PLEKHO2: variants seen among roughly 807,000 people sequenced by gnomAD.
PLEKHO2 encodes pleckstrin homology domain containing O2.
A neutral mutation model predicts 32.7 loss-of-function variants in PLEKHO2; 20 were observed. The ratio of observed to expected loss-of-function variants is 0.61; its 90% CI spans 0.43 to 0.89. The LOEUF is 0.89. PLEKHO2 is among the 40% of genes least tolerant of loss of function. The pLI is 0.00. For missense variants in PLEKHO2, 568 were observed against 621.2 expected (o/e 0.91, Z 0.91); for synonymous variants, 247 against 246.3 (o/e 1.00, Z -0.03).
At position 64,864,909 on chromosome 15, in the gene PLEKHO2, C is replaced by T; in HGVS notation, c.494C>T (p.Ala165Val). ...CATCCCCCCCACCAGGTGGCCAGTG[C>T]AGCTTCTGACGGTCTTCTGCGCCTG... The part of the protein sequence containing the change: ...TRVHLKEVAS[A>V]ASDGLLRLDL... The change falls in exon 6 of 6, where the codon GCA (alanine) becomes GTA (valine). Residue 165 changes from alanine to valine, a missense_variant. By Grantham distance (64) the Ala-to-Val change is moderately conservative. Coordinates refer to ENST00000323544, the MANE Select transcript of PLEKHO2 (RefSeq NM_025201.5). The T allele has an allele frequency of 6.2e-7, 1 of 1,603,652 alleles. No homozygotes were observed. The highest frequency in any genetic ancestry group is 8.5e-7 in the Non-Finnish European group (1 of 1,173,734).
intron 5 of PLEKHO2, 58 bp downstream of exon 5, chr15:64,861,633 C>T: frequency 7.1e-7 from 1 of 1,407,322 alleles, no homozygotes; most frequent in Non-Finnish European, 9.6e-7. Context: ...CTCAGCTCCT[C>T]TGGGCGGCAG....
At chr15:64,860,021 G>A (rs780245980) in intron 4 of PLEKHO2, 23 bp downstream of exon 4, 2 of 1,591,708 alleles carry the variant, frequency 1.3e-6, no homozygotes, top group South Asian at 2.2e-5. Flanking sequence ...CTGTGGACAT[G>A]GACAGCTCTG....
intron 1 of PLEKHO2, among the ~76,000 whole-genome samples, chr15:64,842,754 C>T (rs1468053515): frequency 6.6e-6 from 1 of 152,198 alleles, no homozygotes; most frequent in Non-Finnish European, 1.5e-5. Context: ...CTGGAGCCTC[C>T]TTCTAACCAC....
chr15:64,846,761 C>T (rs1430403006), intron 1 of PLEKHO2, among the ~76,000 whole-genome samples: 1 of 152,198 alleles, frequency 6.6e-6, no homozygotes, highest in East Asian at 1.9e-4. Context: ...AGGGCTTGTC[C>T]TGACTTGGGA....
chr15:64,842,783 G>A (rs1350456257), intron 1 of PLEKHO2, among the ~76,000 whole-genome samples: 2 of 152,166 alleles, frequency 1.3e-5, no homozygotes, highest in Non-Finnish European at 2.9e-5. Context: ...CTCTTGGCCT[G>A]GGATTGGGTC....
Position 64,865,544 on chromosome 15 carries a change from C to T in PLEKHO2, c.1129C>T (p.Pro377Ser), listed in dbSNP as rs535807857. ...KDATTSTALP[P>S]WDLPPQFHPR... The stretch of plus-strand genomic sequence containing the variant: ...TGCAACAACATCCACAGCACTGCCC[C>T]CCTGGGACCTGCCACCTCAGTTCCA... Residue 377 changes from proline to serine, a missense_variant, in exon 6 of 6, where the codon CCC becomes TCC. Pro to Ser is a moderately conservative substitution (Grantham distance 74). Transcript: ENST00000323544. 113 of 1,614,174 alleles carry T rather than the reference C, an allele frequency of 7.0e-5. 2 individuals are homozygous for T. In the South Asian group the frequency reaches 1.2e-3, roughly 17 times the overall value.
chr15:64,862,908 C>G (rs1286687015), intron 5 of PLEKHO2, among the ~76,000 whole-genome samples: 1 of 151,302 alleles, frequency 6.6e-6, no homozygotes, highest in African/African-American at 2.4e-5. Flanking sequence ...GTTATATCTC[C>G]TAATGCTATC....
At chr15:64,846,581 G>A (rs1358689720) in intron 1 of PLEKHO2, among the ~76,000 whole-genome samples, 4 of 152,184 alleles carry the variant, frequency 2.6e-5, no homozygotes, top group African/African-American at 7.2e-5. Context: ...AAAGTGCTGG[G>A]ATTACAGGCA....
intron 1 of PLEKHO2, among the ~76,000 whole-genome samples, chr15:64,842,495 C>G (rs1010533307): frequency 1.4e-4 from 19 of 133,762 alleles, no homozygotes; most frequent in Non-Finnish European, 2.8e-4. Context: ...GATCCTGACT[C>G]TGTGTGTGTG....
At chr15:64,851,343 G>T (rs2084567126) in intron 2 of PLEKHO2, among the ~76,000 whole-genome samples, 1 of 152,156 alleles carries the variant, frequency 6.6e-6, no homozygotes, top group Non-Finnish European at 1.5e-5. Context: ...AGCCTGTCAG[G>T]TACTGTCAGA....
At chr15:64,855,725 G>T (rs1413332021) in intron 3 of PLEKHO2, among the ~76,000 whole-genome samples, 2 of 152,212 alleles carry the variant, frequency 1.3e-5, no homozygotes, top group East Asian at 3.8e-4. Context: ...AGCGAGTTCA[G>T]ATTTGAGGCT....
At chr15:64,856,939 C>T (rs1342996337) in intron 3 of PLEKHO2, among the ~76,000 whole-genome samples, 5 of 144,244 alleles carry the variant, frequency 3.5e-5, no homozygotes, top group African/African-American at 7.4e-5. Context: ...GTCCTGAGGC[C>T]GCCTTTTTTC....
chr15:64,859,861 A>G, intron 3 of PLEKHO2, 33 bp from the exon 4 acceptor site: 2 of 1,572,996 alleles, frequency 1.3e-6, no homozygotes, highest in Non-Finnish European at 1.7e-6. Context: ...TTTGTTAAAC[A>G]TCTGCCATCT....
intron 4 of PLEKHO2, among the ~76,000 whole-genome samples, chr15:64,860,659 C>G (rs1297631766): frequency 6.6e-6 from 1 of 152,238 alleles, no homozygotes; most frequent in African/African-American, 2.4e-5. Context: ...AGCAAGTCCC[C>G]TCTTAATACC....
chr15:64,862,252 G>A (rs2084646786), intron 5 of PLEKHO2, among the ~76,000 whole-genome samples: 1 of 152,112 alleles, frequency 6.6e-6, no homozygotes, highest in Admixed American at 6.6e-5. Context: ...TGGGTAGGAT[G>A]GGTTGGGTTG....
Position 64,863,423 on chromosome 15 carries a change from C to G in PLEKHO2, c.484-1476C>G, listed in dbSNP as rs555981075. 1.1e-3 allele frequency among the ~76,000 whole-genome samples: 168 copies of G among 151,924 alleles called. 1 individual carries two copies. The highest frequency in any genetic ancestry group is 4.0e-3 in the African/African-American group (164 of 41,430). On this transcript the variant is annotated intron_variant, in intron 5 of 5. Coordinates refer to ENST00000323544, the MANE Select transcript of PLEKHO2 (RefSeq NM_025201.5). ...GAGGTGGCCACAGAGAAAAGGAATG[C>G]CTGATGGGGGCCGGGGACGGATGTA...
In PLEKHO2 at chr15:64,866,667, T is replaced by G. The variant is rs753082469; in HGVS notation, c.*779T>G. 105 of 291,534 alleles carry G rather than the reference T, an allele frequency of 3.6e-4. No individual in the cohort carries two copies. Among genetic ancestry groups the G allele is most frequent in the Non-Finnish European group, 6.7e-4 (97 of 145,328 alleles). The allele number at this position is 291,534 out of a possible 1,614,324, so 18.1% of individuals were successfully genotyped here. A position where few individuals can be genotyped will look rare whatever the true frequency, so the allele number is the denominator to read the frequency against. ...CCCTAGTCTAGTCTCTGCCCCTGGA[T>G]AGTGTCCAGCCTTGTATATTTCTGA... On this transcript the variant is annotated 3_prime_UTR_variant, in exon 6 of 6. Coordinates refer to ENST00000323544, the MANE Select transcript of PLEKHO2 (RefSeq NM_025201.5).
rs2084682757 is a variant in PLEKHO2, at chr15:64,865,902, A to G, written c.*14A>G. The G allele has an allele frequency of 5.0e-6, 8 of 1,589,656 alleles. No individual in the cohort carries two copies. Among genetic ancestry groups the G allele is most frequent in the Non-Finnish European group, 6.8e-6 (8 of 1,171,638 alleles). On this transcript the variant is annotated 3_prime_UTR_variant, in exon 6 of 6. Coordinates refer to ENST00000323544, the MANE Select transcript of PLEKHO2 (RefSeq NM_025201.5). ...AGTGCACCCTAGGGCCTTCTGGGCC[A>G]GAGGCACCATCCCTTCTGGCCATCC... is the stretch of plus-strand genomic sequence containing the variant.
chr15:64,854,715 G>C (rs1856585358), intron 2 of PLEKHO2, among the ~76,000 whole-genome samples: 1 of 152,184 alleles, frequency 6.6e-6, no homozygotes, highest in South Asian at 2.1e-4. Context: ...CCATCTGGAT[G>C]GGGAGCCTTG....
Sources: allele counts gnomAD v4.1 joint callset (sites outside exome capture counted in the v4.1 genomes callset), GRCh38; gene constraint gnomAD v4.1.1; transcripts MANE v1.5; gene names NCBI Gene and HGNC (gene_info 2026-07-23, HGNC 2026-07-21).